PRKG1: variants seen among roughly 807,000 people sequenced by gnomAD.
PRKG1 encodes the protein cGMP-dependent protein kinase 1.
PRKG1 carries 35 observed loss-of-function variants against 88.1 expected under a neutral mutation model. That is an observed-to-expected ratio of 0.40 (90% CI 0.30 to 0.53). PRKG1 has a LOEUF of 0.53. PRKG1 is among the 20% of genes least tolerant of loss of function. The pLI is 0.59. For synonymous variants in PRKG1, 303 were observed against 292.5 expected (o/e 1.04, Z -0.37); for missense variants, 540 against 839.8 (o/e 0.64, Z 4.41).
At chr10:51,244,433 T>C (rs1392090353) in intron 2 of PRKG1, among the ~76,000 whole-genome samples, 1 of 151,376 alleles carries the variant, frequency 6.6e-6, no homozygotes, top group African/African-American at 2.4e-5. Flanking sequence ...ATATGTAGAG[T>C]AGATCATATT....
At chr10:51,338,121 CA>C (rs966477969) in intron 2 of PRKG1, among the ~76,000 whole-genome samples, 2 of 152,122 alleles carry the variant, frequency 1.3e-5, no homozygotes, top group Admixed American at 1.3e-4. Context: ...AACAGAAACC[CA>C]AACACTGCAT....
intron 2 of PRKG1, among the ~76,000 whole-genome samples, chr10:51,237,658 ATAAC>A (rs1360037214): frequency 6.6e-6 from 1 of 152,218 alleles, no homozygotes; most frequent in Non-Finnish European, 1.5e-5. Context: ...GAATAATTAA[ATAAC>A]TAACTAAAGG....
chr10:51,017,876 TGCA>T (rs1184877127), intron 1 of PRKG1, among the ~76,000 whole-genome samples: 1 of 152,120 alleles, frequency 6.6e-6, no homozygotes, highest in Non-Finnish European at 1.5e-5. Flanking sequence ...CATGGCTCAC[TGCA>T]GCCTTGACCC....
At chr10:51,423,430 A>T (rs1002951465) in intron 2 of PRKG1, among the ~76,000 whole-genome samples, 1 of 152,114 alleles carries the variant, frequency 6.6e-6, no homozygotes, top group Non-Finnish European at 1.5e-5. Context: ...TCCTTTTTCC[A>T]AAAATAGGCA....
chr10:51,016,669 C>CTTTATTTTTTTTTTTTTTTTTTTTTT, intron 1 of PRKG1, among the ~76,000 whole-genome samples: 1 of 22,790 alleles, frequency 4.4e-5, no homozygotes, highest in Non-Finnish European at 8.3e-5. Flanking sequence ...TATTATTATC[C>CTTTATTTTTTTTTTTTTTTTTTTTTT]TTTCTTTTTT....
At chr10:51,282,314 G>T (rs1002258942) in intron 2 of PRKG1, among the ~76,000 whole-genome samples, 1 of 152,058 alleles carries the variant, frequency 6.6e-6, no homozygotes, top group African/African-American at 2.4e-5. Context: ...CATCTAGAAG[G>T]CTCTTAGCTA....
intron 2 of PRKG1, among the ~76,000 whole-genome samples, chr10:51,270,313 A>G (rs1839945729): frequency 6.6e-6 from 1 of 152,182 alleles, no homozygotes; most frequent in Non-Finnish European, 1.5e-5. Context: ...TGATTTTTAA[A>G]AGGTAGATTA....
intron 5 of PRKG1, among the ~76,000 whole-genome samples, chr10:52,022,047 A>T (rs947376712): frequency 2.6e-5 from 4 of 152,210 alleles, no homozygotes; most frequent in Non-Finnish European, 5.9e-5. Context: ...GTGTGAAAGC[A>T]ATATGCATTC....
At chr10:51,086,147 G>A (rs1844242049) in intron 1 of PRKG1, among the ~76,000 whole-genome samples, 1 of 152,174 alleles carries the variant, frequency 6.6e-6, no homozygotes, top group African/African-American at 2.4e-5. Flanking sequence ...ATAAGTAGAT[G>A]TTACTTTGAA....
intron 2 of PRKG1, among the ~76,000 whole-genome samples, chr10:51,452,350 G>C (rs984337057): frequency 6.6e-6 from 1 of 151,824 alleles, no homozygotes; most frequent in African/African-American, 2.4e-5. Flanking sequence ...AGTACAAGTG[G>C]GGATCCTTGT....
chr10:51,553,853 G>A (rs1028020312), intron 3 of PRKG1, among the ~76,000 whole-genome samples: 6 of 105,550 alleles, frequency 5.7e-5, no homozygotes, highest in Admixed American at 2.1e-4. Context: ...TATTAGATAC[G>A]TGTATATAAT....
chr10:51,160,892 GTGTC>G lies in PRKG1; in HGVS notation c.478+7566_478+7569del, dbSNP rs2131987710. On this transcript the variant is annotated intron_variant, in intron 2 of 17. Transcript: ENST00000373980. ...TTCATGCTCGTGTGTGTGTGTGTGT[GTGTC>G]TGTGTGTGTGTGCATGTGTGTGTCC... Among the ~76,000 whole-genome samples, 3 of 133,068 alleles carry G rather than the reference GTGTC, an allele frequency of 2.3e-5. No individual in the cohort carries two copies. The East Asian group carries it at 5.8e-4, about 26-fold the overall frequency. 87.3% of individuals were successfully genotyped at this position (133,068 alleles called of 152,430 possible). A position where few individuals can be genotyped will look rare whatever the true frequency, so the allele number is the denominator to read the frequency against.
chr10:51,780,624 T>A (rs900524686), intron 3 of PRKG1, among the ~76,000 whole-genome samples: 6 of 152,138 alleles, frequency 3.9e-5, no homozygotes, highest in African/African-American at 1.4e-4. Context: ...TATAATTGAG[T>A]CTGTCTCTGT....
At chr10:52,108,217 C>T (rs145036838) in intron 7 of PRKG1, among the ~76,000 whole-genome samples, 2 of 152,324 alleles carry the variant, frequency 1.3e-5, no homozygotes, top group African/African-American at 2.4e-5. Context: ...TCATCCTTCT[C>T]TCTTTAAATT....
chr10:51,605,366 C>T (rs1019615729), intron 3 of PRKG1, among the ~76,000 whole-genome samples: 1 of 152,184 alleles, frequency 6.6e-6, no homozygotes, highest in South Asian at 2.1e-4. Flanking sequence ...TTAGGGCTCC[C>T]TGCCCTTCTC....
chr10:51,693,574 G>A (rs1430218902), intron 3 of PRKG1, among the ~76,000 whole-genome samples: 1 of 151,812 alleles, frequency 6.6e-6, no homozygotes, highest in African/African-American at 2.4e-5. Context: ...GCTAATTTTT[G>A]TATTTTTAGT....
At chr10:51,963,243 C>G (rs773608569) in intron 5 of PRKG1, among the ~76,000 whole-genome samples, 29 of 152,034 alleles carry the variant, frequency 1.9e-4, no homozygotes, top group Admixed American at 3.9e-4. Context: ...CGAGGAGACC[C>G]AAATCTGCTG....
At chr10:51,334,858 A>G (rs1444402) in intron 2 of PRKG1, among the ~76,000 whole-genome samples, 15,211 of 152,112 alleles carry the variant, frequency 0.1, 855 homozygotes, top group African/African-American at 0.14. Flanking sequence ...CAGGGTGCCT[A>G]AAAGGGAATG....
chr10:51,489,581 A>G (rs1193628689), intron 3 of PRKG1, among the ~76,000 whole-genome samples: 1 of 152,214 alleles, frequency 6.6e-6, no homozygotes, highest in Non-Finnish European at 1.5e-5. Context: ...CCACTGTTCT[A>G]GATTATGTCA....
Sources: allele counts gnomAD v4.1 joint callset (sites outside exome capture counted in the v4.1 genomes callset), GRCh38; gene constraint gnomAD v4.1.1; transcripts MANE v1.5; gene names NCBI Gene and HGNC (gene_info 2026-07-23, HGNC 2026-07-21).